TAS2R1: variants seen among roughly 807,000 people sequenced by gnomAD.
TAS2R1 encodes taste 2 receptor member 1.
For synonymous variants in TAS2R1, 141 were observed against 134.2 expected (o/e 1.05, Z -0.35); for missense variants, 370 against 353.4 (o/e 1.05, Z -0.38).
intron 1 of TAS2R1, among the ~76,000 whole-genome samples, chr5:9,708,893 C>T (rs1005969524): frequency 6.6e-6 from 1 of 152,166 alleles, no homozygotes; most frequent in African/African-American, 2.4e-5. Flanking sequence ...TCAGCCACAT[C>T]AAGCATAATA....
At chr5:9,720,492 A>G in the TAS2R1 span, among the ~76,000 whole-genome samples, 1 of 152,250 alleles carries the variant, frequency 6.6e-6, no homozygotes, top group Non-Finnish European at 1.5e-5. Context: ...TTCAACCCAC[A>G]TTCCTTAGGC....
intron 1 of TAS2R1, among the ~76,000 whole-genome samples, chr5:9,670,004 C>A (rs1281626184): frequency 6.6e-6 from 1 of 151,974 alleles, no homozygotes; most frequent in Non-Finnish European, 1.5e-5. Flanking sequence ...TGTTAGACCA[C>A]TAGCTAGAAT....
the TAS2R1 span, among the ~76,000 whole-genome samples, chr5:9,726,015 G>A: frequency 6.6e-6 from 1 of 150,770 alleles, no homozygotes; most frequent in African/African-American, 2.4e-5. Flanking sequence ...ACACCAATCA[G>A]CACCCTGTGT....
At chr5:9,713,425 A>C (rs534499476), upstream of TAS2R1, among the ~76,000 whole-genome samples, 49 of 152,200 alleles carry the variant, frequency 3.2e-4, no homozygotes, top group African/African-American at 1.2e-3. Flanking sequence ...CATTTCAGGC[A>C]CAGCTTTTGC....
the TAS2R1 span, among the ~76,000 whole-genome samples, chr5:9,834,136 G>C: frequency 6.6e-6 from 1 of 152,214 alleles, no homozygotes; most frequent in Non-Finnish European, 1.5e-5. Context: ...TGTAGGGAAA[G>C]GGCAGGAAGC....
intron 1 of TAS2R1, among the ~76,000 whole-genome samples, chr5:9,692,320 G>A (rs148153459): frequency 4.1e-4 from 62 of 152,258 alleles, no homozygotes; most frequent in Non-Finnish European, 7.5e-4. Context: ...AAAATGGAAG[G>A]CCACACACTT....
chr5:9,750,087 A>T, the TAS2R1 span, among the ~76,000 whole-genome samples: 2 of 152,284 alleles, frequency 1.3e-5, no homozygotes, highest in Non-Finnish European at 2.9e-5. Flanking sequence ...GACCAATAGG[A>T]TGCACCAGCA....
the TAS2R1 span, among the ~76,000 whole-genome samples, chr5:9,739,833 G>A: frequency 6.6e-6 from 1 of 152,186 alleles, no homozygotes; most frequent in Admixed American, 6.5e-5. Context: ...ATCAGGATGA[G>A]TCTTACAATC....
At chr5:9,845,765 G>A in the TAS2R1 span, among the ~76,000 whole-genome samples, 1 of 152,308 alleles carries the variant, frequency 6.6e-6, no homozygotes, top group East Asian at 1.9e-4. Flanking sequence ...CAAAGTGTCC[G>A]CCAAATGCAA....
chr5:9,678,226 G>A (rs190522419), intron 1 of TAS2R1, among the ~76,000 whole-genome samples: 6 of 152,150 alleles, frequency 3.9e-5, no homozygotes, highest in Non-Finnish European at 8.8e-5. Context: ...CAAAACCACA[G>A]TGAGATACTA....
At chr5:9,883,067 GC>G in the TAS2R1 span, among the ~76,000 whole-genome samples, 9 of 152,162 alleles carry the variant, frequency 5.9e-5, no homozygotes, top group Non-Finnish European at 1.5e-5. Flanking sequence ...AAGATCATGT[GC>G]TTTGCAGGGA....
At chr5:9,771,667 T>A in the TAS2R1 span, among the ~76,000 whole-genome samples, 3 of 152,174 alleles carry the variant, frequency 2.0e-5, no homozygotes, top group Non-Finnish European at 4.4e-5. Flanking sequence ...GGGAGACTTT[T>A]TATTATGGCT....
the TAS2R1 span, among the ~76,000 whole-genome samples, chr5:9,784,371 T>C: frequency 2.6e-5 from 4 of 152,252 alleles, no homozygotes; most frequent in South Asian, 4.1e-4. Flanking sequence ...CTGAGGTCCA[T>C]ATGCCAGAAA....
chr5:9,870,284 T>C, the TAS2R1 span: 6 of 152,258 alleles, frequency 3.9e-5, no homozygotes, highest in Admixed American at 2.0e-4. Flanking sequence ...TTAGGCTCCA[T>C]AACTGCATCT....
intron 1 of TAS2R1, among the ~76,000 whole-genome samples, chr5:9,669,763 T>G (rs1250766307): frequency 6.6e-6 from 1 of 152,072 alleles, no homozygotes; most frequent in Non-Finnish European, 1.5e-5. Context: ...GCTAAAACAG[T>G]GTTAAGAGGG....
At chr5:9,782,473 G>A in the TAS2R1 span, among the ~76,000 whole-genome samples, 78 of 151,532 alleles carry the variant, frequency 5.1e-4, no homozygotes, top group African/African-American at 1.8e-3. Context: ...GGGCGGGGCT[G>A]GGGGGGTCCC....
intron 2 of TAS2R1, chr5:9,641,934 G>A (rs1364974499): frequency 6.6e-6 from 1 of 152,154 alleles, no homozygotes; most frequent in Non-Finnish European, 1.5e-5. Context: ...GAACAGATGG[G>A]ACAAGACCTG....
chr5:9,857,979 G>C, the TAS2R1 span, among the ~76,000 whole-genome samples: 200 of 152,302 alleles, frequency 1.3e-3, no homozygotes, highest in African/African-American at 4.6e-3. Flanking sequence ...AGGGCCATGG[G>C]GGGTATTCTA....
intron 1 of TAS2R1, among the ~76,000 whole-genome samples, chr5:9,686,465 C>A (rs894419353): frequency 5.3e-5 from 8 of 152,132 alleles, no homozygotes; most frequent in Non-Finnish European, 1.2e-4. Flanking sequence ...GGTCATTCAC[C>A]CCAAGAATTT....
Sources: allele counts gnomAD v4.1 joint callset (sites outside exome capture counted in the v4.1 genomes callset), GRCh38; gene constraint gnomAD v4.1.1; transcripts MANE v1.5; gene names NCBI Gene and HGNC (gene_info 2026-07-23, HGNC 2026-07-21).